LEKR1: variants seen among roughly 807,000 people sequenced by gnomAD.
LEKR1 encodes the protein protein LEKR1.
In LEKR1, 59 loss-of-function variants were observed where a neutral mutation model predicts 72.4. The observed-to-expected ratio is 0.82, with a 90% CI of 0.66 to 1.01. The LOEUF (loss-of-function observed/expected upper bound fraction) is 1.01, where lower values mean the gene tolerates loss of function less well. Ranked by LOEUF, LEKR1 falls within the 50% of genes least tolerant of loss-of-function variation. The pLI is 0.00. For missense variants in LEKR1, 728 were observed against 759.2 expected, an observed-to-expected ratio of 0.96 and a Z score of 0.48; for synonymous variants, 257 against 263.2, an observed-to-expected ratio of 0.98 and a Z score of 0.23.
chr3:156,863,673 A>G (rs1560033950), intron 3 of LEKR1, among the ~76,000 whole-genome samples: 2 of 152,092 alleles, frequency 1.3e-5, no homozygotes, highest in South Asian at 2.1e-4. Flanking sequence ...GGCTAAGCAA[A>G]CACAAAGAGA....
intron 12 of LEKR1, among the ~76,000 whole-genome samples, chr3:157,043,453 T>TG (rs1491137676): frequency 1.6e-4 from 2 of 12,508 alleles, no homozygotes; most frequent in African/African-American, 3.6e-4. Flanking sequence ...TCCTTCTGTG[T>TG]TTTTTTTTTT....
At chr3:156,908,853 T>G (rs1299368692) in intron 3 of LEKR1, among the ~76,000 whole-genome samples, 1 of 152,216 alleles carries the variant, frequency 6.6e-6, no homozygotes, top group Non-Finnish European at 1.5e-5. Context: ...AATAAATGAA[T>G]TTAAGGCCAT....
chr3:157,018,802 T>C (rs1733588316), intron 10 of LEKR1, among the ~76,000 whole-genome samples: 1 of 152,202 alleles, frequency 6.6e-6, no homozygotes. Context: ...CTTAGAGTTG[T>C]AAGAATTAAA....
In LEKR1 at chr3:156,981,485, G is replaced by A. The variant is rs114401701; in HGVS notation, c.827+2210G>A. ...TTTATAAAACTAATGTTTCCTACAC[G>A]TACAAGACCTTCTTAACAATTAAAA... On this transcript the variant is annotated intron_variant, in intron 7 of 12. Transcript: ENST00000356539. Among the ~76,000 whole-genome samples, 781 of 152,248 alleles carry A rather than the reference G, an allele frequency of 5.1e-3. 14 individuals are homozygous for A. The highest frequency in any genetic ancestry group is 0.018 in the African/African-American group (752 of 41,528).
At chr3:157,015,315 C>G (rs942928465) in intron 10 of LEKR1, among the ~76,000 whole-genome samples, 2 of 152,104 alleles carry the variant, frequency 1.3e-5, no homozygotes, top group Admixed American at 1.3e-4. Context: ...TGTTTATGAT[C>G]AATGTGTACA....
chr3:156,960,708 G>GAA lies in LEKR1; in HGVS notation c.745+17994_745+17995insAA, dbSNP rs1409556208. 4.5e-3 allele frequency among the ~76,000 whole-genome samples: 678 copies of GAA among 152,208 alleles called. 2 individuals are homozygous for GAA. The highest frequency in any genetic ancestry group is 0.016 in the African/African-American group (655 of 41,534). On this transcript the variant is annotated intron_variant, in intron 6 of 12. Coordinates refer to ENST00000356539, the MANE Select transcript of LEKR1 (RefSeq NM_001004316.3). ...GATGCTCAAAAATTTAAATACATGT[G>GAA]TTAATTCTGGTGCATATAGTTTAAT...
chr3:157,006,092 G>A (rs1344093125), intron 9 of LEKR1, among the ~76,000 whole-genome samples: 1 of 150,712 alleles, frequency 6.6e-6, no homozygotes, highest in Admixed American at 6.6e-5. Context: ...TGCAAGCTCC[G>A]CTTCCCGGGT....
intron 10 of LEKR1, among the ~76,000 whole-genome samples, chr3:157,014,737 A>G (rs1733173275): frequency 6.6e-6 from 1 of 152,144 alleles, no homozygotes; most frequent in African/African-American, 2.4e-5. Context: ...GCCTGCGGAG[A>G]TCATCTCATA....
chr3:156,836,937 A>C (rs985123154), intron 2 of LEKR1, among the ~76,000 whole-genome samples: 18 of 152,246 alleles, frequency 1.2e-4, no homozygotes, highest in Admixed American at 1.2e-3. Flanking sequence ...TTAGTCTTCC[A>C]GGAAGGAGTC....
chr3:157,020,114 A>C (rs1560151529), intron 10 of LEKR1, among the ~76,000 whole-genome samples: 1 of 152,090 alleles, frequency 6.6e-6, no homozygotes, highest in Non-Finnish European at 1.5e-5. Context: ...CAGTAGTTCA[A>C]AGAATAGTTC....
At chr3:156,962,292 A>G (rs1186636507) in intron 6 of LEKR1, among the ~76,000 whole-genome samples, 1 of 152,242 alleles carries the variant, frequency 6.6e-6, no homozygotes, top group Non-Finnish European at 1.5e-5. Flanking sequence ...CTTGGCTTCA[A>G]ATAAAAGGGG....
intron 3 of LEKR1, among the ~76,000 whole-genome samples, chr3:156,857,812 T>C (rs1403117622): frequency 6.6e-6 from 1 of 152,246 alleles, no homozygotes; most frequent in African/African-American, 2.4e-5. Flanking sequence ...GCTATTTGCG[T>C]CTGTGTTCAC....
intron 9 of LEKR1, among the ~76,000 whole-genome samples, chr3:157,003,085 C>T (rs1732137593): frequency 6.6e-6 from 1 of 152,130 alleles, no homozygotes; most frequent in Non-Finnish European, 1.5e-5. Context: ...AGGAGATGCT[C>T]ATTTGGATTT....
intron 6 of LEKR1, among the ~76,000 whole-genome samples, chr3:156,966,495 G>C (rs905565498): frequency 6.6e-6 from 1 of 152,234 alleles, no homozygotes; most frequent in African/African-American, 2.4e-5. Flanking sequence ...CGCACCGGGC[G>C]TGGAGGGTCC....
chr3:156,959,278 T>G lies in LEKR1; in HGVS notation c.745+16564T>G, dbSNP rs755537268. Reference sequence around the variant, plus strand: ...TTCTTTTGTCCTGTTTTTAAGAAAATAATTGTTTGTTTAAAGAATATATTA... The same window carrying G: ...TTCTTTTGTCCTGTTTTTAAGAAAAGAATTGTTTGTTTAAAGAATATATTA... On this transcript the variant is annotated intron_variant, in intron 6 of 12. Coordinates refer to ENST00000356539, the MANE Select transcript of LEKR1 (RefSeq NM_001004316.3). 1.2e-4 allele frequency among the ~76,000 whole-genome samples: 18 copies of G among 152,268 alleles called. No homozygotes were observed. In the Middle Eastern group the frequency reaches 0.014, roughly 115 times the overall value.
intron 9 of LEKR1, among the ~76,000 whole-genome samples, chr3:157,002,513 C>T (rs1247577469): frequency 1.3e-5 from 2 of 152,060 alleles, no homozygotes; most frequent in East Asian, 1.9e-4. Flanking sequence ...ACTCACTGCC[C>T]ATTCCATTCT....
chr3:156,874,338 A>G (rs1370276982), intron 3 of LEKR1, among the ~76,000 whole-genome samples: 1 of 151,992 alleles, frequency 6.6e-6, no homozygotes, highest in East Asian at 1.9e-4. Flanking sequence ...TTAGAATTAT[A>G]TTATTGCTAA....
chr3:156,959,451 C>G (rs1257742696), intron 6 of LEKR1, among the ~76,000 whole-genome samples: 1 of 152,142 alleles, frequency 6.6e-6, no homozygotes, highest in Non-Finnish European at 1.5e-5. Context: ...GTAGAACTAA[C>G]TTTAAGTGCT....
chr3:156,885,062 C>T (rs1719908577), intron 3 of LEKR1, among the ~76,000 whole-genome samples: 1 of 152,086 alleles, frequency 6.6e-6, no homozygotes, highest in African/African-American at 2.4e-5. Flanking sequence ...TCTACTTGTT[C>T]TAGTCTATTG....
Sources: gnomAD v4.1 joint callset for allele counts (sites outside exome capture counted in the v4.1 genomes callset) on GRCh38, gnomAD v4.1.1 for gene constraint, MANE v1.5 for transcripts, NCBI Gene and HGNC (gene_info 2026-07-23, HGNC 2026-07-21) for gene names.